The following ASZ1 variants were observed in gnomAD, a reference collection of about 807,000 sequenced individuals.
ASZ1 encodes the protein ankyrin repeat, SAM and basic leucine zipper domain containing 1, also known as ankyrin repeat, SAM and basic leucine zipper domain-containing protein 1.
A neutral mutation model predicts 61.8 loss-of-function variants in ASZ1; 67 were observed. The observed-to-expected ratio is 1.08, with a 90% CI of 0.89 to 1.33. ASZ1 has a LOEUF of 1.33. ASZ1 is among the 40% of genes most tolerant of loss of function. The pLI, the probability that ASZ1 is intolerant of heterozygous loss-of-function variation, is 0.00. For missense variants in ASZ1, 577 were observed against 554.5 expected, an observed-to-expected ratio of 1.04 and a Z score of -0.41; for synonymous variants, 193 against 192.7, an observed-to-expected ratio of 1.00 and a Z score of -0.01.
intron 5 of ASZ1, among the ~76,000 whole-genome samples, 197 bp downstream of exon 5, chr7:117,385,501 T>G (rs979831462): frequency 6.6e-6 from 1 of 152,140 alleles, no homozygotes; most frequent in Non-Finnish European, 1.5e-5. Context: ...CCTCAAATGA[T>G]CCGCCTGCCT....
chr7:117,385,740 A>T lies in ASZ1; in HGVS notation c.510T>A (p.Ala170=). 6.2e-7 allele frequency: 1 copy of T among 1,613,286 alleles called. No individual in the cohort carries two copies. Among genetic ancestry groups the T allele is most frequent in the Non-Finnish European group, 8.5e-7 (1 of 1,179,382 alleles). Residue 170 remains alanine (A), a synonymous_variant, in exon 5 of 13, where the codon GCT becomes GCA. Coordinates refer to ENST00000284629, the MANE Select transcript of ASZ1 (RefSeq NM_130768.3). Reference sequence around the variant, plus strand: ...CCTGGGTATTAACTTCTGCTCCATGAGCAACAAGGAGAGCAACAACCTGGG... The same window carrying T: ...CCTGGGTATTAACTTCTGCTCCATGTGCAACAAGGAGAGCAACAACCTGGG... ...GHTQVVALLV[A]HGAEVNTQDE...
chr7:117,371,874 A>G (rs1435089699), intron 10 of ASZ1, among the ~76,000 whole-genome samples: 1 of 152,216 alleles, frequency 6.6e-6, no homozygotes, highest in Non-Finnish European at 1.5e-5. Flanking sequence ...ATATATGCGG[A>G]ATATAAATTT....
intron 4 of ASZ1, among the ~76,000 whole-genome samples, chr7:117,402,457 C>A (rs920814267): frequency 6.6e-6 from 1 of 152,188 alleles, no homozygotes; most frequent in Non-Finnish European, 1.5e-5. Flanking sequence ...ATATATTTAG[C>A]TTCAGCCCCC....
At position 117,368,625 on chromosome 7, in the gene ASZ1, A is replaced by C. The variant is rs142005201; in HGVS notation, c.1148T>G (p.Val383Gly). 4.8e-5 allele frequency: 77 copies of C among 1,610,996 alleles called. No individual in the cohort carries two copies. In the African/African-American group the frequency reaches 8.3e-4, roughly 17 times the overall value. The stretch of plus-strand genomic sequence containing the variant: ...TTTGTAGAATACCTTTTGAGAATTT[A>C]CAGGTAACTCAGTAATAACATTCTG... ...AVQNVITELP[V>G]NSQKITLEWA... The change falls in exon 11 of 13, where the codon GTA (valine) becomes GGA (glycine). Residue 383 changes from valine to glycine, a missense_variant. Physicochemically the swap from Val to Gly is moderately radical, Grantham distance 109. Transcript: ENST00000284629.
At chr7:117,389,953 C>T (rs773813248) in intron 4 of ASZ1, among the ~76,000 whole-genome samples, 12 of 152,206 alleles carry the variant, frequency 7.9e-5, no homozygotes, top group South Asian at 6.2e-4. Context: ...GTAGCTCTGA[C>T]GGATAAGTGA....
At chr7:117,370,716 G>A (rs2116449013) in intron 10 of ASZ1, among the ~76,000 whole-genome samples, 1 of 152,112 alleles carries the variant, frequency 6.6e-6, no homozygotes, top group Admixed American at 6.5e-5. Context: ...GTTGACAAGT[G>A]TATTAGATGA....
Position 117,383,059 on chromosome 7 carries a change from G to C in ASZ1, c.739C>G (p.Gln247Glu). Residue 247 changes from glutamine (Q) to glutamate (E), a missense_variant, in exon 7 of 13, where the codon CAG becomes GAG. Transcript: ENST00000284629. Reference protein sequence around the residue: ...TLNPLEGKLQQLTKEDTICKI... With the variant: ...TLNPLEGKLQELTKEDTICKI... ...CAAATAGTGTCTTCTTTAGTTAGCT[G>C]TTGAAGTTTTCCTTCCAATGGATTT... 8 of 1,584,650 alleles carry C rather than the reference G, an allele frequency of 5.0e-6. No homozygotes were observed. The highest frequency in any genetic ancestry group is 6.8e-6 in the Non-Finnish European group (8 of 1,167,918).
At chr7:117,380,286 TATG>T (rs1796226130) in intron 9 of ASZ1, among the ~76,000 whole-genome samples, 1 of 151,828 alleles carries the variant, frequency 6.6e-6, no homozygotes, top group Non-Finnish European at 1.5e-5. Context: ...ACATAACAAC[TATG>T]ATGGACTCCC....
chr7:117,385,601 T>G, intron 5 of ASZ1, 97 bp downstream of exon 5: 1 of 997,938 alleles, frequency 1.0e-6, no homozygotes, highest in South Asian at 1.6e-5. Flanking sequence ...GCAATTATAT[T>G]CCAGCCCTTT....
intron 9 of ASZ1, among the ~76,000 whole-genome samples, chr7:117,380,394 A>G (rs967887004): frequency 4.0e-5 from 6 of 151,838 alleles, no homozygotes; most frequent in Non-Finnish European, 8.9e-5. Context: ...TATCAGTGAT[A>G]AATGAGAATT....
chr7:117,425,687 A>G (rs968116518), intron 2 of ASZ1, among the ~76,000 whole-genome samples: 6 of 152,046 alleles, frequency 3.9e-5, no homozygotes, highest in African/African-American at 1.2e-4. Flanking sequence ...GATGCTTTAC[A>G]TAAAGAAACT....
chr7:117,403,406 G>A (rs779972337), intron 4 of ASZ1, among the ~76,000 whole-genome samples: 11 of 152,002 alleles, frequency 7.2e-5, no homozygotes, highest in South Asian at 2.1e-4. Flanking sequence ...CCCCACTCAC[G>A]AGTGGTATTG....
chr7:117,368,590 C>A, intron 11 of ASZ1, 22 bp downstream of exon 11: 1 of 1,606,102 alleles, frequency 6.2e-7, no homozygotes, highest in Non-Finnish European at 8.5e-7. Flanking sequence ...CTTTTCTTCA[C>A]TTAATAACTT....
chr7:117,415,590 C>G (rs1408058127), intron 4 of ASZ1, among the ~76,000 whole-genome samples: 1 of 151,908 alleles, frequency 6.6e-6, no homozygotes, highest in Admixed American at 6.6e-5. Context: ...TAAATTATCA[C>G]ATATATGTAG....
At chr7:117,363,805 C>T in intron 12 of ASZ1, 57 bp from the exon 13 acceptor site, 1 of 1,299,848 alleles carries the variant, frequency 7.7e-7, no homozygotes, top group Non-Finnish European at 1.0e-6. Context: ...ATTAATAAAA[C>T]ATTTTGATTT....
In ASZ1 at chr7:117,372,401, C is replaced by G. The variant is rs944022849; in HGVS notation, c.1056-3684G>C. ...GCCACTGAATGATCCTGCCATCTCTCTCTTCCCTTTCCCATGAGATCAGTA... is the reference window on the plus strand; with the variant it reads ...GCCACTGAATGATCCTGCCATCTCTGTCTTCCCTTTCCCATGAGATCAGTA... On this transcript the variant is annotated intron_variant, in intron 10 of 12. Coordinates refer to ENST00000284629, the MANE Select transcript of ASZ1 (RefSeq NM_130768.3). Among the ~76,000 whole-genome samples, 3 of 152,158 alleles carry G rather than the reference C, an allele frequency of 2.0e-5. No homozygotes were observed. The East Asian group carries it at 5.8e-4, about 29-fold the overall frequency.
intron 4 of ASZ1, among the ~76,000 whole-genome samples, chr7:117,395,935 T>C (rs1003285287): frequency 6.6e-6 from 1 of 152,144 alleles, no homozygotes; most frequent in African/African-American, 2.4e-5. Context: ...ATCATGAACA[T>C]AGCCATAGAC....
chr7:117,393,415 G>T (rs1796511404), intron 4 of ASZ1, among the ~76,000 whole-genome samples: 1 of 151,694 alleles, frequency 6.6e-6, no homozygotes. Flanking sequence ...GTATTTAAAA[G>T]CCATGTATAT....
chr7:117,388,991 C>G (rs990468779), intron 4 of ASZ1, among the ~76,000 whole-genome samples: 2 of 151,998 alleles, frequency 1.3e-5, no homozygotes, highest in African/African-American at 2.4e-5. Context: ...TAGCAATGAA[C>G]AACATGAAAT....
Sources: gnomAD v4.1 joint callset for allele counts (sites outside exome capture counted in the v4.1 genomes callset) on GRCh38, gnomAD v4.1.1 for gene constraint, MANE v1.5 for transcripts, NCBI Gene and HGNC (gene_info 2026-07-23, HGNC 2026-07-21) for gene names.